Variants in BRCA1 observed in about 807,000 individuals in gnomAD.
The protein encoded by BRCA1 is BRCA1 DNA repair associated.
Under a neutral mutation model 173.7 loss-of-function variants are expected in BRCA1, and 140 were observed. The ratio of observed to expected loss-of-function variants is 0.81; its 90% confidence interval spans 0.70 to 0.93. The LOEUF (loss-of-function observed/expected upper bound fraction) is 0.93, where lower values mean the gene tolerates loss of function less well. BRCA1 is among the 40% of genes least tolerant of loss of function. The pLI, the probability that BRCA1 is intolerant of heterozygous loss-of-function variation, is 0.00. For synonymous variants in BRCA1, 662 were observed against 756.0 expected (o/e 0.88, Z 2.04); for missense variants, 1,983 against 2,172.5 (o/e 0.91, Z 1.73).
chr17:43,070,378 T>C (rs1413191920), intron 15 of BRCA1, among the ~76,000 whole-genome samples: 2 of 152,104 alleles, frequency 1.3e-5, no homozygotes, highest in Non-Finnish European at 2.9e-5. Context: ...TTTTCCACAG[T>C]ATGAAGCAAT....
At chr17:43,117,315 G>A (rs1418957738) in intron 2 of BRCA1, among the ~76,000 whole-genome samples, 1 of 152,158 alleles carries the variant, frequency 6.6e-6, no homozygotes, top group African/African-American at 2.4e-5. Flanking sequence ...GGTGGCGCAT[G>A]CCTGTGGTCT....
intron 16 of BRCA1, among the ~76,000 whole-genome samples, chr17:43,066,811 C>A (rs997372225): frequency 2.8e-5 from 4 of 142,760 alleles, no homozygotes; most frequent in Non-Finnish European, 4.5e-5. Context: ...ACCCTCCAAA[C>A]CTTTTTTTTT....
chr17:43,147,334 T>C (rs1197403250), intron 1 of BRCA1, among the ~76,000 whole-genome samples: 2 of 151,930 alleles, frequency 1.3e-5, no homozygotes, highest in Non-Finnish European at 2.9e-5. Context: ...GGACTACAGG[T>C]GCCCGCCACC....
At position 43,093,794 on chromosome 17, in the gene BRCA1, A is replaced by C. The variant is rs1567798463; in HGVS notation, c.1737T>G (p.Ala579=). ...TTATAGGTTCAGCTTTCGTTTTGAAAGCAGATTCTTTTTCGAGTGATTCTA... is the reference window on the plus strand; with the variant it reads ...TTATAGGTTCAGCTTTCGTTTTGAACGCAGATTCTTTTTCGAGTGATTCTA... ...NPIESLEKES[A]FKTKAEPISS... Residue 579 remains alanine (A), a synonymous_variant, in exon 10 of 23, where the codon GCT becomes GCG. Transcript: ENST00000357654. 3.1e-6 allele frequency: 5 copies of C among 1,613,650 alleles called. No individual in the cohort carries two copies. Among genetic ancestry groups the C allele is most frequent in the Non-Finnish European group, 4.2e-6 (5 of 1,179,930 alleles).
At chr17:43,082,302 G>A in intron 12 of BRCA1, 102 bp downstream of exon 12, 1 of 1,277,946 alleles carries the variant, frequency 7.8e-7, no homozygotes. Flanking sequence ...TGCTGAGCAA[G>A]GATCATAAAA....
intron 18 of BRCA1, 47 bp downstream of exon 18, chr17:43,063,286 A>G (rs1450608314): frequency 8.1e-6 from 12 of 1,477,510 alleles, no homozygotes; most frequent in African/African-American, 1.4e-5. Context: ...TTTTAACTAT[A>G]TGACTGAATG....
In BRCA1 at chr17:43,097,312, A is replaced by T. The variant is rs747918176; in HGVS notation, c.548-23T>A. On this transcript the variant is annotated intron_variant, in intron 7 of 22. Coordinates refer to ENST00000357654, the MANE Select transcript of BRCA1 (RefSeq NM_007294.4). ...ATCCTAAAAAATTTCCCCCCAAAAA[A>T]TAAATCAATAAAAGTTTTCTTAATT... 5.7e-6 allele frequency: 9 copies of T among 1,589,808 alleles called. No individual in the cohort carries two copies. In the African/African-American group the frequency reaches 1.2e-4, roughly 21 times the overall value.
rs1320340280 is a variant in BRCA1 at position 43,104,209 on chromosome 17, T to C, written c.354A>G (p.Leu118=). ...TTTGGATGATAGAAACTTCATCTTT[T>C]AGATGTTCAGGAGAGTTATTTTCCT... ...AKKENNSPEH[L]KDEVSIIQSM... is the part of the protein sequence containing the mutation. The change falls in exon 6 of 23, where the codon CTA becomes CTG. Residue 118 remains leucine (L), a synonymous_variant. Transcript: ENST00000357654. The C allele has an allele frequency of 1.9e-6, 3 of 1,613,248 alleles. No homozygotes were observed. Among genetic ancestry groups the C allele is most frequent in the African/African-American group, 2.7e-5 (2 of 74,916 alleles).
At chr17:43,122,702 A>C (rs1213302805) in intron 2 of BRCA1, among the ~76,000 whole-genome samples, 1 of 152,024 alleles carries the variant, frequency 6.6e-6, no homozygotes, top group Non-Finnish European at 1.5e-5. Flanking sequence ...TGAGGTCAGG[A>C]GTTTGAGACC....
At chr17:43,088,391 C>A (rs2053312983) in intron 11 of BRCA1, among the ~76,000 whole-genome samples, 1 of 150,920 alleles carries the variant, frequency 6.6e-6, no homozygotes, top group South Asian at 2.1e-4. Flanking sequence ...TTAACTGCTC[C>A]TTGTGGAGCA....
Position 43,092,865 on chromosome 17 carries a change from G to C in BRCA1, c.2666C>G (p.Ser889Cys), listed in dbSNP as rs769712441. ...EEECATFSAH[S>C]GSLKKQSPKV... ...TGGACTTTGTTTCTTTAAGGACCCA[G>C]AGTGGGCAGAGAATGTTGCACATTC... is the stretch of plus-strand genomic sequence containing the variant. The change falls in exon 10 of 23, where the codon TCT becomes TGT. Residue 889 changes from serine (S) to cysteine (C), a missense_variant. Coordinates refer to ENST00000357654, the MANE Select transcript of BRCA1 (RefSeq NM_007294.4). 1 of 1,613,976 alleles carries C rather than the reference G, an allele frequency of 6.2e-7. No individual in the cohort carries two copies. Among genetic ancestry groups the C allele is most frequent in the Non-Finnish European group, 8.5e-7 (1 of 1,180,006 alleles).
chr17:43,047,804 C>T (rs1013926048), intron 21 of BRCA1, 101 bp from the exon 22 acceptor site: 17 of 1,268,076 alleles, frequency 1.3e-5, no homozygotes, highest in Non-Finnish European at 1.8e-5. Context: ...CAGGGTCTTG[C>T]TCTGTCACCC....
In BRCA1 at chr17:43,056,199, A is replaced by C. The variant is rs116703787; in HGVS notation, c.5277+853T>G. 9.8e-3 allele frequency among the ~76,000 whole-genome samples: 1,376 copies of C among 140,654 alleles called. 15 individuals carry two copies. Among genetic ancestry groups the C allele is most frequent in the African/African-American group, 0.032 (1,214 of 37,626 alleles). 92.3% of individuals were successfully genotyped at this position (140,654 alleles called of 152,430 possible). A position where few individuals can be genotyped will look rare whatever the true frequency, so the allele number is the denominator to read the frequency against. Reference sequence around the variant, plus strand: ...CTTTTTTTTTTTTTTTTCTTTTGAGATCTTCTGTCTGTCGTCTAGGCTGGA... The same window carrying C: ...CTTTTTTTTTTTTTTTTCTTTTGAGCTCTTCTGTCTGTCGTCTAGGCTGGA... On this transcript the variant is annotated intron_variant, in intron 19 of 22. Transcript: ENST00000357654.
chr17:43,152,181 G>T (rs2056166075), intron 1 of BRCA1, among the ~76,000 whole-genome samples: 1 of 152,176 alleles, frequency 6.6e-6, no homozygotes, highest in Non-Finnish European at 1.5e-5. Context: ...TGTGTCATCT[G>T]TTGCCTGGCT....
Position 43,092,098 on chromosome 17 carries a change from C to A in BRCA1, c.3433G>T (p.Val1145Phe), listed in dbSNP as rs431825396. Residue 1145 changes from valine to phenylalanine, a missense_variant, in exon 10 of 23, where the codon GTT becomes TTT. Transcript: ENST00000357654. ...AGGTCATCAGGTGTCTCAGAACAAACCTGAGATGCATGACTACTTCCCATA... is the reference window on the plus strand; with the variant it reads ...AGGTCATCAGGTGTCTCAGAACAAAACTGAGATGCATGACTACTTCCCATA... Reference protein sequence around the residue: ...QPMGSSHASQVCSETPDDLLD... With the variant: ...QPMGSSHASQFCSETPDDLLD... The A allele has an allele frequency of 1.2e-6, 2 of 1,614,024 alleles. No homozygotes were observed. Among genetic ancestry groups the A allele is most frequent in the Admixed American group, 1.7e-5 (1 of 60,022 alleles).
rs552026104 is a variant in BRCA1, at chr17:43,122,845, G to A, written c.80+1172C>T. ...GTGGATCACAAGGTCAGGAGATCAA[G>A]ACTATCCTGGCTAACACGGTGAAAT... On this transcript the variant is annotated intron_variant, in intron 2 of 22. Transcript: ENST00000357654. Among the ~76,000 whole-genome samples the A allele has an allele frequency of 2.7e-5, 4 of 150,598 alleles. No homozygotes were observed. In the East Asian group the frequency reaches 5.8e-4, roughly 22 times the overall value.
intron 1 of BRCA1, chr17:43,125,036 C>T (rs1429017145): frequency 4.5e-5 from 19 of 421,646 alleles, no homozygotes; most frequent in East Asian, 3.5e-4. Context: ...ATTCCAGTTC[C>T]TATCACGAGG....
At chr17:43,059,276 C>A (rs2051642524) in intron 18 of BRCA1, among the ~76,000 whole-genome samples, 1 of 152,080 alleles carries the variant, frequency 6.6e-6, no homozygotes, top group Admixed American at 6.6e-5. Context: ...CCAGCCTGGC[C>A]AACATGGTAA....
upstream of BRCA1, among the ~76,000 whole-genome samples, chr17:43,129,324 T>C (rs2055945160): frequency 6.6e-6 from 1 of 152,234 alleles, no homozygotes; most frequent in South Asian, 2.1e-4. Flanking sequence ...ATGGTCCAGC[T>C]AAGCTAGAAT....
Sources: gnomAD v4.1 joint callset for allele counts (sites outside exome capture counted in the v4.1 genomes callset) on GRCh38, gnomAD v4.1.1 for gene constraint, MANE v1.5 for transcripts, NCBI Gene and HGNC (gene_info 2026-07-23, HGNC 2026-07-21) for gene names.